Variants in NOTCH2 observed in about 807,000 individuals in gnomAD.
The protein encoded by NOTCH2 is notch receptor 2, also known as neurogenic locus notch homolog protein 2.
NOTCH2 carries 29 observed loss-of-function variants against 235.8 expected under a neutral mutation model. The ratio of observed to expected loss-of-function variants is 0.12; its 90% CI spans 0.09 to 0.17. The LOEUF (loss-of-function observed/expected upper bound fraction) is 0.17. Among genes scored for constraint, NOTCH2 ranks in the 10% least tolerant of loss-of-function variants. The pLI is 1.00. For synonymous variants in NOTCH2, 1,086 were observed against 1,141.5 expected (o/e 0.95, Z 0.98); for missense variants, 2,285 against 3,150.2 (o/e 0.73, Z 6.57).
intron 1 of NOTCH2, among the ~76,000 whole-genome samples, chr1:120,047,694 A>G (rs868928826): frequency 1.2e-4 from 18 of 150,344 alleles, no homozygotes; most frequent in African/African-American, 4.2e-4. Context: ...AAAAAAAAAA[A>G]AAAAGTCAGT....
In NOTCH2 at chr1:119,936,159, T is replaced by C. The variant is rs587659763; in HGVS notation, c.3523-555A>G. ...TCAGGGCTGACCAAGAAAAAAGATA[T>C]GGCTGTGAGGTGGCTTTATTTGGAC... On this transcript the variant is annotated intron_variant, in intron 21 of 33. Coordinates refer to ENST00000256646, the MANE Select transcript of NOTCH2 (RefSeq NM_024408.4). 4.6e-5 allele frequency among the ~76,000 whole-genome samples: 7 copies of C among 152,256 alleles called. No individual in the cohort carries two copies. The South Asian group carries it at 1.0e-3, about 23-fold the overall frequency.
intron 23 of NOTCH2, among the ~76,000 whole-genome samples, 174 bp from the exon 24 acceptor site, chr1:119,926,785 T>C (rs587619720): frequency 6.6e-6 from 1 of 152,274 alleles, no homozygotes; most frequent in East Asian, 1.9e-4. Flanking sequence ...CATCTCAACA[T>C]GATTGGCCTG....
At position 119,967,635 on chromosome 1, in the gene NOTCH2, G is replaced by A. The variant is rs2101144256; in HGVS notation, c.1265-14C>T. The A allele has an allele frequency of 6.2e-7, 1 of 1,612,958 alleles. No individual in the cohort carries two copies. Among genetic ancestry groups the A allele is most frequent in the Middle Eastern group, 1.7e-4 (1 of 6,054 alleles). Reference sequence around the variant, plus strand: ...GATTGCTATTGGCTGAAAGACACAAGTACCAATTACTGGGATCAAAGCAGT... The same window carrying A: ...GATTGCTATTGGCTGAAAGACACAAATACCAATTACTGGGATCAAAGCAGT... On this transcript the variant is annotated splice_polypyrimidine_tract_variant and intron_variant, in intron 7 of 33. Transcript: ENST00000256646.
intron 28 of NOTCH2, 86 bp from the exon 29 acceptor site, chr1:119,921,895 C>A: frequency 8.8e-7 from 1 of 1,137,800 alleles, no homozygotes; most frequent in Non-Finnish European, 1.3e-6. Context: ...TGACACACTC[C>A]CGTGGCTATA....
rs2101211051 is a variant in NOTCH2, at chr1:119,997,114, C to T, written c.634G>A (p.Gly212Ser). 1 of 1,613,968 alleles carries T rather than the reference C, an allele frequency of 6.2e-7. No homozygotes were observed. The highest frequency in any genetic ancestry group is 8.5e-7 in the Non-Finnish European group (1 of 1,179,866). ...CTGTCACAGTACTGGCCTGTGAAGCCCTGAGGGCACTGGCACTGGTAGGAA... is the reference window on the plus strand; with the variant it reads ...CTGTCACAGTACTGGCCTGTGAAGCTCTGAGGGCACTGGCACTGGTAGGAA... ...PGSYQCQCPQGFTGQYCDSLY... is the reference protein window; with the variant it reads ...PGSYQCQCPQSFTGQYCDSLY... Residue 212 changes from glycine to serine, a missense_variant, in exon 4 of 34, where the codon GGC (glycine) becomes AGC (serine). Transcript: ENST00000256646.
At chr1:119,923,174 TTG>T (rs1214127479) in intron 26 of NOTCH2, among the ~76,000 whole-genome samples, 1 of 152,222 alleles carries the variant, frequency 6.6e-6, no homozygotes, top group Non-Finnish European at 1.5e-5. Context: ...TTATTTTCCT[TTG>T]TCTCTGCATT....
intron 22 of NOTCH2, chr1:119,935,250 G>C (rs1470623456): frequency 6.9e-7 from 1 of 1,446,600 alleles, no homozygotes; most frequent in African/African-American, 1.4e-5. Context: ...GGAATATCAA[G>C]ATGCCAAACA....
intron 1 of NOTCH2, among the ~76,000 whole-genome samples, chr1:120,065,355 G>A (rs1553216904): frequency 6.6e-6 from 1 of 152,198 alleles, no homozygotes; most frequent in Non-Finnish European, 1.5e-5. Context: ...GCCAGGTACA[G>A]GGGTAGGGTA....
chr1:119,931,924 T>C (rs1003683390), intron 22 of NOTCH2, among the ~76,000 whole-genome samples: 3 of 149,702 alleles, frequency 2.0e-5, no homozygotes, highest in Non-Finnish European at 4.4e-5. Flanking sequence ...TTTTATATCA[T>C]AGCCAATTTC....
intron 5 of NOTCH2, chr1:119,976,384 G>C (rs1553200958): frequency 6.6e-6 from 1 of 150,382 alleles, no homozygotes; most frequent in African/African-American, 2.5e-5. Flanking sequence ...TCGGAATAAA[G>C]TTGGGTGAAA....
At chr1:119,970,342 A>C (rs1459731253) in intron 5 of NOTCH2, among the ~76,000 whole-genome samples, 1 of 152,218 alleles carries the variant, frequency 6.6e-6, no homozygotes, top group Admixed American at 6.5e-5. Flanking sequence ...TAGGGCAAGC[A>C]ACATAGGGTA....
Position 119,965,543 on chromosome 1 carries a change from T to C in NOTCH2, c.1591A>G (p.Ile531Val), listed in dbSNP as rs1333445187. The change falls in exon 10 of 34, where the codon ATT becomes GTT. Residue 531 changes from isoleucine (I) to valine (V), a missense_variant. This residue lies in a region of NOTCH2 where 431 missense variants were observed against 757.8 expected (regional missense o/e 0.57). Transcript: ENST00000256646. ...PPGFTGPVCQ[I>V]DIDDCSSTPC... is the part of the protein sequence containing the mutation. ...GTACTGGAACAGTCATCAATATCAATCTGGCAAACTGGCCCAGTGAAACCT... is the reference window on the plus strand; with the variant it reads ...GTACTGGAACAGTCATCAATATCAACCTGGCAAACTGGCCCAGTGAAACCT... The C allele has an allele frequency of 3.1e-6, 5 of 1,613,816 alleles. No homozygotes were observed. The highest frequency in any genetic ancestry group is 4.2e-6 in the Non-Finnish European group (5 of 1,179,832).
chr1:119,963,755 A>G lies in NOTCH2; in HGVS notation c.1734T>C (p.Pro578=). Residue 578 remains proline (P), a synonymous_variant, in exon 11 of 34, where the codon CCT becomes CCC. Coordinates refer to ENST00000256646, the MANE Select transcript of NOTCH2 (RefSeq NM_024408.4). ...CATCCTGACACTGACCATGGTGGCA[A>G]GGATCGGGGTCACAGTTGTCAATGT... ...EENIDNCDPD[P]CHHGQCQDGI... 6.2e-7 allele frequency: 1 copy of G among 1,614,164 alleles called. No individual in the cohort carries two copies. Among genetic ancestry groups the G allele is most frequent in the Non-Finnish European group, 8.5e-7 (1 of 1,180,000 alleles).
chr1:120,039,148 G>A (rs1204026044), intron 1 of NOTCH2, among the ~76,000 whole-genome samples: 1 of 151,914 alleles, frequency 6.6e-6, no homozygotes, highest in Non-Finnish European at 1.5e-5. Flanking sequence ...TGTCCAAAAG[G>A]TTCAGGATCT....
chr1:120,004,138 AAAACGTATTCAG>A (rs1328297553), intron 3 of NOTCH2, among the ~76,000 whole-genome samples: 1 of 152,138 alleles, frequency 6.6e-6, no homozygotes, highest in Non-Finnish European at 1.5e-5. Flanking sequence ...TAAAGGCAAG[AAAACGTATTCAG>A]AAACTATTTC....
At chr1:120,006,784 G>A (rs2101247261) in intron 2 of NOTCH2, among the ~76,000 whole-genome samples, 1 of 152,186 alleles carries the variant, frequency 6.6e-6, no homozygotes, top group South Asian at 2.1e-4. Context: ...CCCAAGCCTT[G>A]TTGTCCTGAT....
Position 119,923,886 on chromosome 1 carries a change from T to G in NOTCH2, c.4610A>C (p.Asp1537Ala), listed in dbSNP as rs776462738. The G allele has an allele frequency of 1.4e-5, 23 of 1,614,034 alleles. No homozygotes were observed. Among genetic ancestry groups the G allele is most frequent in the Admixed American group, 8.3e-5 (5 of 59,990 alleles). The change falls in exon 26 of 34, where the codon GAC (aspartate) becomes GCC (alanine). Residue 1537 changes from aspartate (D) to alanine (A), a missense_variant. Coordinates refer to ENST00000256646, the MANE Select transcript of NOTCH2 (RefSeq NM_024408.4). ...ACCTTCTGCCAGGTTCTCAGGTTGG[T>G]CAGCAGCACAGTCCAGCCCATCCCA... ...CGWDGLDCAA[D>A]QPENLAEGTL...
intron 2 of NOTCH2, among the ~76,000 whole-genome samples, chr1:120,010,788 C>A (rs587608510): frequency 4.8e-4 from 73 of 152,216 alleles, no homozygotes; most frequent in African/African-American, 1.8e-3. Flanking sequence ...GGTATATACC[C>A]GAGATAACTG....
At position 119,914,225 on chromosome 1, in the gene NOTCH2, T is replaced by C. The variant is rs1648987875; in HGVS notation, c.*1081A>G. On this transcript the variant is annotated 3_prime_UTR_variant, in exon 34 of 34. Transcript: ENST00000256646. ...GTGAGTGAGTGAAACAGGCCTAGAA[T>C]GCTCAGATCTGGGACAAATGTGTTC... 8.6e-6 allele frequency: 2 copies of C among 233,268 alleles called. No individual in the cohort carries two copies. Among genetic ancestry groups the C allele is most frequent in the Non-Finnish European group, 1.7e-5 (2 of 118,046 alleles). The allele number at this position is 233,268 out of a possible 1,614,324, so 14.4% of individuals were successfully genotyped here.
Sources: gnomAD v4.1 joint callset for allele counts (sites outside exome capture counted in the v4.1 genomes callset) on GRCh38, gnomAD v4.1.1 for gene constraint, gnomAD v4.1.1 regional missense constraint, MANE v1.5 for transcripts, NCBI Gene and HGNC (gene_info 2026-07-23, HGNC 2026-07-21) for gene names.